Variants in FOXP1 observed in about 807,000 individuals in gnomAD.
FOXP1 encodes the protein forkhead box protein P1.
In FOXP1, 15 loss-of-function variants were observed where a neutral mutation model predicts 98.2. That is an observed-to-expected ratio of 0.15 (90% CI 0.10 to 0.24). The LOEUF (loss-of-function observed/expected upper bound fraction) is 0.24, where lower values mean the gene tolerates loss of function less well. FOXP1 is among the 10% of genes least tolerant of loss of function. The pLI, the probability that FOXP1 is intolerant of heterozygous loss-of-function variation, is 1.00. For synonymous variants in FOXP1, 371 were observed against 314.5 expected (o/e 1.18, Z -1.90); for missense variants, 633 against 848.5 (o/e 0.75, Z 3.15).
At chr3:71,108,766 A>G (rs1375142152) in intron 7 of FOXP1, among the ~76,000 whole-genome samples, 1 of 151,988 alleles carries the variant, frequency 6.6e-6, no homozygotes, top group African/African-American at 2.4e-5. Flanking sequence ...CTCCATCTCA[A>G]AAAAAAAGAG....
intron 7 of FOXP1, among the ~76,000 whole-genome samples, chr3:71,067,990 A>AT (rs1000179990): frequency 2.2e-4 from 10 of 45,662 alleles, no homozygotes; most frequent in African/African-American, 1.9e-3. Context: ...GGATAATTAT[A>AT]AAAAAAAAAA....
intron 5 of FOXP1, among the ~76,000 whole-genome samples, chr3:71,239,353 A>T (rs1251262549): frequency 1.3e-5 from 2 of 152,030 alleles, no homozygotes; most frequent in African/African-American, 2.4e-5. Context: ...AACCAGCCTG[A>T]CTAAGATGGT....
At chr3:71,373,453 T>C (rs1216086776) in intron 3 of FOXP1, among the ~76,000 whole-genome samples, 1 of 152,156 alleles carries the variant, frequency 6.6e-6, no homozygotes, top group Non-Finnish European at 1.5e-5. Context: ...ATCAATACTC[T>C]TTGTAAGGCA....
intron 9 of FOXP1, among the ~76,000 whole-genome samples, chr3:71,052,024 T>C (rs1445688506): frequency 6.6e-6 from 1 of 152,216 alleles, no homozygotes; most frequent in African/African-American, 2.4e-5. Context: ...GCAATTACAT[T>C]ATGTACAACT....
intron 6 of FOXP1, among the ~76,000 whole-genome samples, chr3:71,168,029 TTCAAA>T (rs1339997629): frequency 6.6e-6 from 1 of 152,200 alleles, no homozygotes; most frequent in Non-Finnish European, 1.5e-5. Flanking sequence ...CAAATTTCAT[TTCAAA>T]TAATTTTAAT....
At chr3:71,105,292 T>C (rs896129510) in intron 7 of FOXP1, among the ~76,000 whole-genome samples, 2 of 152,246 alleles carry the variant, frequency 1.3e-5, no homozygotes, top group Admixed American at 6.5e-5. Context: ...ACCTTTTTTT[T>C]CACTCTTGAT....
intron 3 of FOXP1, among the ~76,000 whole-genome samples, chr3:71,478,167 A>C (rs889118749): frequency 6.6e-6 from 1 of 152,200 alleles, no homozygotes; most frequent in African/African-American, 2.4e-5. Flanking sequence ...TGAATCACTC[A>C]AAAATTAAAA....
At chr3:71,375,685 A>G (rs1375890585) in intron 3 of FOXP1, among the ~76,000 whole-genome samples, 1 of 152,152 alleles carries the variant, frequency 6.6e-6, no homozygotes, top group East Asian at 1.9e-4. Context: ...CAAGTCAAAT[A>G]CTCCAATTTC....
At position 71,396,968 on chromosome 3, in the gene FOXP1, GTATA is replaced by G. The variant is rs201155361; in HGVS notation, c.-167-37728_-167-37725del. On this transcript the variant is annotated intron_variant, in intron 3 of 20. Transcript: ENST00000649528. Reference sequence around the variant, plus strand: ...TATATGTGTATATATATATATGTGTGTATATATATATATGTGTATATATATACAC... The same window carrying G: ...TATATGTGTATATATATATATGTGTGTATATATATGTGTATATATATACAC... 8.0e-4 allele frequency among the ~76,000 whole-genome samples: 16 copies of G among 19,946 alleles called. 4 individuals are homozygous for G. Among genetic ancestry groups the G allele is most frequent in the South Asian group, 1.3e-3 (1 of 784 alleles). The allele number at this position is 19,946 out of a possible 152,430, so 13.1% of individuals were successfully genotyped here. A position where few individuals can be genotyped will look rare whatever the true frequency, so the allele number is the denominator to read the frequency against.
intron 3 of FOXP1, among the ~76,000 whole-genome samples, chr3:71,413,817 A>G (rs2082984892): frequency 1.3e-5 from 2 of 152,278 alleles, no homozygotes; most frequent in African/African-American, 4.8e-5. Context: ...ATACCACACA[A>G]TGTTACAGTA....
intron 2 of FOXP1, among the ~76,000 whole-genome samples, chr3:71,549,860 TAAAAAAAAAA>T (rs55826932): frequency 3.3e-5 from 2 of 59,896 alleles, no homozygotes; most frequent in Admixed American, 4.1e-4. Flanking sequence ...ATGCTGGGAG[TAAAAAAAAAA>T]AAAAAAAAAA....
intron 4 of FOXP1, among the ~76,000 whole-genome samples, chr3:71,358,181 T>TA (rs992946432): frequency 1.3e-5 from 2 of 152,224 alleles, no homozygotes; most frequent in Non-Finnish European, 2.9e-5. Flanking sequence ...GGTGAGATCT[T>TA]ACAGCACTCT....
At chr3:71,198,948 G>A (rs538003653) in intron 5 of FOXP1, among the ~76,000 whole-genome samples, 4 of 151,898 alleles carry the variant, frequency 2.6e-5, no homozygotes, top group South Asian at 4.2e-4. Flanking sequence ...CACCCGCCTC[G>A]GCCTCCCAAA....
At chr3:71,318,840 G>C (rs967506279) in intron 4 of FOXP1, among the ~76,000 whole-genome samples, 1 of 152,184 alleles carries the variant, frequency 6.6e-6, no homozygotes, top group African/African-American at 2.4e-5. Flanking sequence ...CCTCTTCAGA[G>C]TAAAACAAAG....
chr3:70,955,079 C>T lies in FOXP1; in HGVS notation c.*4168G>A. The stretch of plus-strand genomic sequence containing the variant: ...GAAGCAAAACTGACTTTGAAGACAT[C>T]CAGAATTTCAGGAGGCTATGTCATT... On this transcript the variant is annotated 3_prime_UTR_variant, in exon 21 of 21. Transcript: ENST00000649528. The T allele has an allele frequency of 4.3e-6, 1 of 232,094 alleles. No homozygotes were observed. The highest frequency in any genetic ancestry group is 8.5e-6 in the Non-Finnish European group (1 of 117,432). 14.4% of individuals were successfully genotyped at this position (232,094 alleles called of 1,614,324 possible). A position where few individuals can be genotyped will look rare whatever the true frequency, so the allele number is the denominator to read the frequency against.
At chr3:70,999,640 C>T (rs979874485) in intron 13 of FOXP1, among the ~76,000 whole-genome samples, 31 of 151,882 alleles carry the variant, frequency 2.0e-4, no homozygotes, top group African/African-American at 7.0e-4. Context: ...TGAGACAAAT[C>T]CTACTAAAAA....
rs76673104 is a variant in FOXP1 at position 71,193,615 on chromosome 3, A to C, written c.180+4587T>G. ...AATCGTGCACCACCATGCCCAGCTA[A>C]TTTTTGTATTTTTAGTAGAGATGGG... On this transcript the variant is annotated intron_variant, in intron 6 of 20. Coordinates refer to ENST00000649528, the MANE Select transcript of FOXP1 (RefSeq NM_001349338.3). Among the ~76,000 whole-genome samples, 127 of 151,754 alleles carry C rather than the reference A, an allele frequency of 8.4e-4. 4 individuals carry two copies. The East Asian group carries it at 0.024, about 28-fold the overall frequency.
At chr3:71,335,639 T>A (rs910161166) in intron 4 of FOXP1, among the ~76,000 whole-genome samples, 5 of 152,158 alleles carry the variant, frequency 3.3e-5, no homozygotes, top group African/African-American at 1.2e-4. Context: ...AAGATAATTG[T>A]CTTGAAACAC....
intron 3 of FOXP1, among the ~76,000 whole-genome samples, chr3:71,398,760 G>A (rs1372163309): frequency 6.6e-6 from 1 of 152,182 alleles, no homozygotes; most frequent in African/African-American, 2.4e-5. Context: ...TGATGAGATA[G>A]GAAATCATGC....
Sources: allele counts gnomAD v4.1 joint callset (sites outside exome capture counted in the v4.1 genomes callset), GRCh38; gene constraint gnomAD v4.1.1; transcripts MANE v1.5; gene names NCBI Gene and HGNC (gene_info 2026-07-23, HGNC 2026-07-21).